MAPK14: variants seen among roughly 807,000 people sequenced by gnomAD.
MAPK14 encodes the protein CSAID-binding protein.
In MAPK14, 16 loss-of-function variants were observed where a neutral mutation model predicts 49.6. The observed-to-expected ratio is 0.32, with a 90% CI of 0.22 to 0.49. The LOEUF is 0.49. MAPK14 is among the 20% of genes least tolerant of loss of function. The pLI is 0.99. For synonymous variants in MAPK14, 142 were observed against 158.0 expected (o/e 0.90, Z 0.76); for missense variants, 200 against 441.2 (o/e 0.45, Z 4.90).
chr6:36,076,142 C>T (rs1442386009), intron 7 of MAPK14, among the ~76,000 whole-genome samples, 180 bp downstream of exon 7: 1 of 152,138 alleles, frequency 6.6e-6, no homozygotes, highest in Non-Finnish European at 1.5e-5. Context: ...GTTTTATACA[C>T]AGCTTTTAAA....
At chr6:36,065,797 C>T (rs1478940493) in intron 3 of MAPK14, among the ~76,000 whole-genome samples, 2 of 152,096 alleles carry the variant, frequency 1.3e-5, no homozygotes, top group Non-Finnish European at 2.9e-5. Context: ...AAAAAGATAT[C>T]ATTTTACCAG....
downstream of MAPK14, among the ~76,000 whole-genome samples, chr6:36,112,240 T>G (rs1309953281): frequency 2.0e-5 from 3 of 148,434 alleles, no homozygotes; most frequent in East Asian, 2.0e-4. Context: ...TTGTAGGGAG[T>G]ATTTTGCCTT....
intron 1 of MAPK14, among the ~76,000 whole-genome samples, chr6:36,047,405 A>G (rs970189997): frequency 1.3e-5 from 2 of 152,224 alleles, no homozygotes; most frequent in African/African-American, 4.8e-5. Context: ...AGAGAGGGAA[A>G]GAGTAGCACA....
At chr6:36,053,575 T>G (rs1441531262) in intron 2 of MAPK14, among the ~76,000 whole-genome samples, 1 of 152,188 alleles carries the variant, frequency 6.6e-6, no homozygotes, top group Non-Finnish European at 1.5e-5. Context: ...AATCAAGTTA[T>G]GAATTTCTGT....
At chr6:36,040,848 A>G (rs1010043584) in intron 1 of MAPK14, among the ~76,000 whole-genome samples, 1 of 152,212 alleles carries the variant, frequency 6.6e-6, no homozygotes, top group Non-Finnish European at 1.5e-5. Context: ...AACTCCTAGA[A>G]ATAAAATGCT....
chr6:36,062,709 G>A (rs1368824511), intron 3 of MAPK14, among the ~76,000 whole-genome samples: 2 of 144,820 alleles, frequency 1.4e-5, no homozygotes, highest in African/African-American at 2.6e-5. Flanking sequence ...CCAGGCTGGA[G>A]TGCAGTGGCA....
intron 8 of MAPK14, among the ~76,000 whole-genome samples, chr6:36,094,567 C>A (rs773277286): frequency 1.3e-5 from 2 of 152,202 alleles, no homozygotes; most frequent in Non-Finnish European, 2.9e-5. Flanking sequence ...ATTCCTATAA[C>A]GTAGGCACCT....
rs988819126 is a variant in MAPK14, at chr6:36,032,884, A to T, written c.116+4611A>T. Among the ~76,000 whole-genome samples the T allele has an allele frequency of 4.6e-5, 7 of 152,368 alleles. No homozygotes were observed. The East Asian group carries it at 1.3e-3, about 29-fold the overall frequency. Reference sequence around the variant, plus strand: ...AAAACTTGCTAAGAAATCAAATACAACTTCCTAAGTGCTTTGTGGAACAAG... The same window carrying T: ...AAAACTTGCTAAGAAATCAAATACATCTTCCTAAGTGCTTTGTGGAACAAG... On this transcript the variant is annotated intron_variant, in intron 1 of 11. Transcript: ENST00000229794.
chr6:36,103,049 A>C (rs1765688558), intron 10 of MAPK14, among the ~76,000 whole-genome samples: 1 of 152,128 alleles, frequency 6.6e-6, no homozygotes, highest in African/African-American at 2.4e-5. Context: ...TGTTTAGAGG[A>C]GCCACCCAGG....
the MAPK14 span, among the ~76,000 whole-genome samples, chr6:36,116,680 C>G: frequency 2.6e-5 from 4 of 152,136 alleles, no homozygotes; most frequent in Non-Finnish European, 5.9e-5. Flanking sequence ...GCTGACAGAT[C>G]AAATGACTCT....
At chr6:36,036,173 TTGCAGTGAGC>T (rs2127396303) in intron 1 of MAPK14, among the ~76,000 whole-genome samples, 1 of 127,872 alleles carries the variant, frequency 7.8e-6, no homozygotes, top group Non-Finnish European at 1.7e-5. Flanking sequence ...GAAGTGGAGG[TTGCAGTGAGC>T]CACTGCAACC....
At chr6:36,039,732 C>T (rs1762889594) in intron 1 of MAPK14, among the ~76,000 whole-genome samples, 1 of 152,096 alleles carries the variant, frequency 6.6e-6, no homozygotes, top group South Asian at 2.1e-4. Flanking sequence ...AGGCTGGGTG[C>T]AGTGGCTCAC....
chr6:36,094,766 A>T (rs991754637), intron 8 of MAPK14, among the ~76,000 whole-genome samples: 2 of 152,228 alleles, frequency 1.3e-5, no homozygotes, highest in African/African-American at 4.8e-5. Flanking sequence ...AGAGCTGTAG[A>T]CCAGTACAGG....
At chr6:36,076,805 G>T in intron 8 of MAPK14, 197 bp downstream of exon 8, 1 of 437,054 alleles carries the variant, frequency 2.3e-6, no homozygotes. Context: ...TTTGTGAGTT[G>T]GAAAAATTCC....
intron 10 of MAPK14, among the ~76,000 whole-genome samples, chr6:36,106,915 A>G (rs566612844): frequency 4.6e-5 from 7 of 152,120 alleles, no homozygotes; most frequent in Non-Finnish European, 1.0e-4. Context: ...GGGGACAAAA[A>G]AAAAACAGCC....
chr6:36,106,648 GA>G (rs1331555246), intron 10 of MAPK14, among the ~76,000 whole-genome samples: 3 of 151,876 alleles, frequency 2.0e-5, no homozygotes, highest in South Asian at 2.1e-4. Context: ...AAACAGTTCA[GA>G]AAAAAATACA....
intron 1 of MAPK14, among the ~76,000 whole-genome samples, chr6:36,029,481 A>G (rs1271667381): frequency 6.6e-6 from 1 of 152,230 alleles, no homozygotes; most frequent in Non-Finnish European, 1.5e-5. Context: ...ATCTTAAACT[A>G]AGTATCAGAT....
At chr6:36,079,736 T>G (rs1764673274) in intron 8 of MAPK14, among the ~76,000 whole-genome samples, 1 of 152,164 alleles carries the variant, frequency 6.6e-6, no homozygotes, top group Non-Finnish European at 1.5e-5. Flanking sequence ...CTAGAACTTT[T>G]GTGGTATTGC....
chr6:36,049,887 C>T (rs58952368), intron 1 of MAPK14, among the ~76,000 whole-genome samples: 2,442 of 152,134 alleles, frequency 0.016, 58 homozygotes, highest in African/African-American at 0.055. Flanking sequence ...AAGGTGGAGA[C>T]GATGGGTTTA....
Sources: gnomAD v4.1 joint callset for allele counts (sites outside exome capture counted in the v4.1 genomes callset) on GRCh38, gnomAD v4.1.1 for gene constraint, MANE v1.5 for transcripts, NCBI Gene and HGNC (gene_info 2026-07-23, HGNC 2026-07-21) for gene names.